The following GRM5 variants were observed in gnomAD, a reference collection of about 807,000 sequenced individuals.
GRM5 encodes the protein metabotropic glutamate receptor 5.
Under a neutral mutation model 83.1 loss-of-function variants are expected in GRM5, and 19 were observed. The observed-to-expected ratio is 0.23, with a 90% confidence interval of 0.16 to 0.34. The LOEUF is 0.34. GRM5 is among the 10% of genes least tolerant of loss of function. The probability of loss-of-function intolerance (pLI) is 1.00; values close to 1 mark genes in which losing one functional copy is unlikely to be tolerated. For synonymous variants in GRM5, 675 were observed against 633.6 expected (o/e 1.07, Z -0.98); for missense variants, 1,160 against 1,588.3 (o/e 0.73, Z 4.58).
At position 88,803,867 on chromosome 11, in the gene GRM5, T is replaced by C. The variant is rs187794611; in HGVS notation, c.911+46039A>G. On this transcript the variant is annotated intron_variant, in intron 3 of 9. Transcript: ENST00000305447. ...AAAAACAAACAACCCCATCGAAAAG[T>C]GGGCGAAGGACATGAACAGATACTT... Among the ~76,000 whole-genome samples, 264 of 152,212 alleles carry C rather than the reference T, an allele frequency of 1.7e-3. 4 individuals carry two copies. The East Asian group carries it at 0.032, about 18-fold the overall frequency.
chr11:89,012,000 C>T (rs1940715242), intron 2 of GRM5, among the ~76,000 whole-genome samples: 1 of 152,116 alleles, frequency 6.6e-6, no homozygotes, highest in South Asian at 2.1e-4. Flanking sequence ...TATCAAGTTA[C>T]ATCCTTTCCC....
chr11:89,041,260 C>G (rs1941526643), intron 2 of GRM5, among the ~76,000 whole-genome samples: 1 of 152,172 alleles, frequency 6.6e-6, no homozygotes, highest in South Asian at 2.1e-4. Flanking sequence ...TTGCACATCA[C>G]CAGAGATATT....
At chr11:88,642,507 T>A (rs928735833) in intron 4 of GRM5, among the ~76,000 whole-genome samples, 11 of 152,288 alleles carry the variant, frequency 7.2e-5, no homozygotes, top group Admixed American at 1.3e-4. Flanking sequence ...AAGATCTCTT[T>A]CTCTGCCACA....
chr11:88,685,586 C>T (rs11020947), intron 3 of GRM5, among the ~76,000 whole-genome samples: 2,846 of 152,268 alleles, frequency 0.019, 69 homozygotes, highest in East Asian at 0.095. Context: ...TCATGGCAGG[C>T]CCTCCCATCA....
intron 8 of GRM5, among the ~76,000 whole-genome samples, chr11:88,541,832 C>T (rs567695608): frequency 2.0e-5 from 3 of 152,178 alleles, no homozygotes; most frequent in Non-Finnish European, 4.4e-5. Flanking sequence ...GTAATTCTCA[C>T]ATGTCAAGGG....
chr11:88,545,984 C>T (rs1446413692), intron 8 of GRM5, among the ~76,000 whole-genome samples: 2 of 152,050 alleles, frequency 1.3e-5, no homozygotes, highest in Non-Finnish European at 2.9e-5. Context: ...CTCCTTTTCT[C>T]ATTTTACTTT....
At chr11:88,592,953 A>G (rs1937679591) in intron 6 of GRM5, among the ~76,000 whole-genome samples, 1 of 152,124 alleles carries the variant, frequency 6.6e-6, no homozygotes, top group African/African-American at 2.4e-5. Context: ...AACTGGGACT[A>G]CAGATGTGTG....
intron 3 of GRM5, among the ~76,000 whole-genome samples, chr11:88,794,772 T>G (rs1331207491): frequency 6.6e-6 from 1 of 152,218 alleles, no homozygotes; most frequent in African/African-American, 2.4e-5. Context: ...GGAGGGTTAT[T>G]ATGGTTACTT....
intron 3 of GRM5, among the ~76,000 whole-genome samples, chr11:88,737,392 C>T (rs1941938822): frequency 6.6e-6 from 1 of 151,930 alleles, no homozygotes; most frequent in Non-Finnish European, 1.5e-5. Context: ...AGTAGGTATT[C>T]AATGAACACT....
At chr11:88,707,842 A>G (rs1460382950) in intron 3 of GRM5, among the ~76,000 whole-genome samples, 2 of 152,114 alleles carry the variant, frequency 1.3e-5, no homozygotes, top group Non-Finnish European at 2.9e-5. Flanking sequence ...TTAAAACCAT[A>G]TGCTTTTATT....
intron 7 of GRM5, among the ~76,000 whole-genome samples, chr11:88,576,506 G>A (rs1188442429): frequency 6.6e-6 from 1 of 152,154 alleles, no homozygotes; most frequent in Non-Finnish European, 1.5e-5. Context: ...AAGAGGGCAA[G>A]TAAGGAATAA....
chr11:89,036,738 A>G (rs1010481512), intron 2 of GRM5, among the ~76,000 whole-genome samples: 10 of 147,542 alleles, frequency 6.8e-5, no homozygotes, highest in Non-Finnish European at 1.2e-4. Flanking sequence ...GCCTGGGTTC[A>G]TCCTACTACT....
At chr11:88,798,755 G>C (rs78696327) in intron 3 of GRM5, among the ~76,000 whole-genome samples, 2 of 136,868 alleles carry the variant, frequency 1.5e-5, no homozygotes, top group African/African-American at 5.6e-5. Flanking sequence ...CCCTGACACT[G>C]AGTCAAAGTC....
chr11:88,783,695 T>A (rs1365325326), intron 3 of GRM5, among the ~76,000 whole-genome samples: 1 of 152,064 alleles, frequency 6.6e-6, no homozygotes, highest in Non-Finnish European at 1.5e-5. Flanking sequence ...TGCTAGAACA[T>A]CCATGTGACT....
chr11:88,580,625 C>T (rs561881820), intron 7 of GRM5, among the ~76,000 whole-genome samples: 41 of 152,172 alleles, frequency 2.7e-4, no homozygotes, highest in Non-Finnish European at 4.9e-4. Context: ...AGTATTGTCA[C>T]GGCTTACGGC....
chr11:89,016,688 T>G (rs1054752720), intron 2 of GRM5, among the ~76,000 whole-genome samples: 2 of 152,180 alleles, frequency 1.3e-5, no homozygotes, highest in Non-Finnish European at 2.9e-5. Flanking sequence ...TGTGGCTGTT[T>G]CTACACATCT....
rs563581965 is a variant in GRM5 at position 88,921,644 on chromosome 11, G to T, written c.662-71489C>A. 6.0e-5 allele frequency among the ~76,000 whole-genome samples: 9 copies of T among 151,258 alleles called. 1 individual carries two copies. In the South Asian group the frequency reaches 1.9e-3, roughly 32 times the overall value. On this transcript the variant is annotated intron_variant, in intron 2 of 9. Coordinates refer to ENST00000305447, the MANE Select transcript of GRM5 (RefSeq NM_001143831.3). ...GACTCCATTTAAAAAAAAAAATACT[G>T]GGCTTAGAAGGAACATAACAACAAC...
chr11:88,560,393 T>C (rs1226863520), intron 8 of GRM5, among the ~76,000 whole-genome samples: 3 of 152,152 alleles, frequency 2.0e-5, no homozygotes, highest in African/African-American at 7.2e-5. Context: ...TAACTGTTTC[T>C]AATCCTGCCT....
At chr11:88,710,954 T>C (rs1941267961) in intron 3 of GRM5, among the ~76,000 whole-genome samples, 1 of 152,124 alleles carries the variant, frequency 6.6e-6, no homozygotes, top group Non-Finnish European at 1.5e-5. Context: ...AACTGGTATT[T>C]ATCTCATTCC....
Sources: allele counts gnomAD v4.1 joint callset (sites outside exome capture counted in the v4.1 genomes callset), GRCh38; gene constraint gnomAD v4.1.1; transcripts MANE v1.5; gene names NCBI Gene and HGNC (gene_info 2026-07-23, HGNC 2026-07-21).